TMEM243: variants seen among roughly 807,000 people sequenced by gnomAD.
TMEM243 encodes the protein MDR1 and mitochondrial taxol resistance associated.
TMEM243 carries 20 observed loss-of-function variants against 15.0 expected under a neutral mutation model. The ratio of observed to expected loss-of-function variants is 1.33; its 90% CI spans 0.94 to 1.93. The LOEUF (loss-of-function observed/expected upper bound fraction) is 1.93, where lower values mean the gene tolerates loss of function less well. Ranked by LOEUF, TMEM243 falls within the 30% of genes most tolerant of loss-of-function variation. The probability of loss-of-function intolerance (pLI) is 0.00; values close to 1 mark genes in which losing one functional copy is unlikely to be tolerated. For synonymous variants in TMEM243, 72 were observed against 52.7 expected (o/e 1.37, Z -1.59); for missense variants, 156 against 142.1 (o/e 1.10, Z -0.50).
chr7:87,207,860 T>C (rs536106620), intron 1 of TMEM243, among the ~76,000 whole-genome samples: 69 of 152,130 alleles, frequency 4.5e-4, no homozygotes, highest in Non-Finnish European at 9.1e-4. Flanking sequence ...TCCTCCTCTG[T>C]CAGACATCCT....
Position 87,199,060 on chromosome 7 carries a change from GAAAGAGA to G in TMEM243, c.79-10_79-4del. 6.2e-7 allele frequency: 1 copy of G among 1,604,366 alleles called. No individual in the cohort carries two copies. The highest frequency in any genetic ancestry group is 1.7e-4 in the Middle Eastern group (1 of 5,998). ...ACAACTAAATTGATGATTCGATCCT[GAAAGAGA>G]AAAGAATTTTTAAGCCATATGACTT... On this transcript the variant is annotated splice_region_variant and splice_polypyrimidine_tract_variant and intron_variant, in intron 1 of 3. Transcript: ENST00000257637.
At chr7:87,215,850 A>C (rs1188968251) in intron 1 of TMEM243, among the ~76,000 whole-genome samples, 1 of 152,190 alleles carries the variant, frequency 6.6e-6, no homozygotes, top group Non-Finnish European at 1.5e-5. Flanking sequence ...CTTGTCAATA[A>C]TCCCTAGGAC....
chr7:87,206,265 C>A (rs539202089), intron 1 of TMEM243, among the ~76,000 whole-genome samples: 12 of 152,296 alleles, frequency 7.9e-5, no homozygotes, highest in Non-Finnish European at 1.5e-4. Context: ...CAAACCATAT[C>A]ATCATCCTTC....
At chr7:87,201,208 C>T (rs1801781949) in intron 1 of TMEM243, among the ~76,000 whole-genome samples, 1 of 152,248 alleles carries the variant, frequency 6.6e-6, no homozygotes, top group African/African-American at 2.4e-5. Flanking sequence ...CCAAGGCCTT[C>T]TATCAACCAT....
At chr7:87,205,294 C>T (rs1802124170) in intron 1 of TMEM243, among the ~76,000 whole-genome samples, 1 of 152,132 alleles carries the variant, frequency 6.6e-6, no homozygotes, top group Non-Finnish European at 1.5e-5. Flanking sequence ...CATTTGGCTC[C>T]TCTTACTTGT....
rs1554365988 is a variant in TMEM243 at position 87,209,684 on chromosome 7, C to CAGTGAGAGAGTGAGACACAGTGAG, written c.78+9741_78+9742insCTCACTGTGTCTCACTCTCTCACT. ...AGCGAGAGAGAGCGAGAGCGAGACA[C>CAGTGAGAGAGTGAGACACAGTGAG]AGCGAGAGAGCGAGACACAGTGAGA... On this transcript the variant is annotated intron_variant, in intron 1 of 3. Coordinates refer to ENST00000257637, the MANE Select transcript of TMEM243 (RefSeq NM_024315.4). Among the ~76,000 whole-genome samples, 4 of 73,194 alleles carry CAGTGAGAGAGTGAGACACAGTGAG rather than the reference C, an allele frequency of 5.5e-5. 1 individual carries two copies. Among genetic ancestry groups the CAGTGAGAGAGTGAGACACAGTGAG allele is most frequent in the Non-Finnish European group, 1.2e-4 (4 of 33,572 alleles). The allele number at this position is 73,194 out of a possible 152,430, so 48.0% of individuals were successfully genotyped here.
intron 1 of TMEM243, chr7:87,199,645 T>C (rs910077260): frequency 2.0e-5 from 3 of 152,150 alleles, no homozygotes; most frequent in African/African-American, 7.2e-5. Context: ...AAACAAAATA[T>C]TGGTTGAATG....
intron 1 of TMEM243, among the ~76,000 whole-genome samples, chr7:87,207,717 G>A (rs1358401257): frequency 1.3e-5 from 2 of 152,178 alleles, no homozygotes; most frequent in Non-Finnish European, 2.9e-5. Flanking sequence ...CATTTTTGGT[G>A]TTACTTCTAA....
chr7:87,198,134 T>C (rs1801499102), intron 2 of TMEM243, 89 bp from the exon 3 acceptor site: 29 of 1,052,460 alleles, frequency 2.8e-5, no homozygotes, highest in Non-Finnish European at 3.3e-5. Flanking sequence ...TACTACAAAA[T>C]GCTTCATGTT....
At chr7:87,200,305 A>G (rs555827030) in intron 1 of TMEM243, among the ~76,000 whole-genome samples, 105 of 152,312 alleles carry the variant, frequency 6.9e-4, no homozygotes, top group African/African-American at 2.4e-3. Flanking sequence ...CCACGACCTC[A>G]GCTAGAGAAG....
At chr7:87,204,302 C>T (rs1004436270) in intron 1 of TMEM243, among the ~76,000 whole-genome samples, 2 of 152,116 alleles carry the variant, frequency 1.3e-5, no homozygotes, top group Non-Finnish European at 2.9e-5. Flanking sequence ...ACGGCCAAAC[C>T]ACACAATTTC....
intron 1 of TMEM243, among the ~76,000 whole-genome samples, chr7:87,212,112 A>G (rs1802795284): frequency 6.6e-6 from 1 of 152,190 alleles, no homozygotes; most frequent in Non-Finnish European, 1.5e-5. Context: ...AAGTCGTAAT[A>G]AGGATTAGAA....
intron 1 of TMEM243, among the ~76,000 whole-genome samples, chr7:87,207,031 G>A (rs1416902925): frequency 3.3e-5 from 5 of 152,216 alleles, no homozygotes; most frequent in South Asian, 2.1e-4. Flanking sequence ...AACAGGTCAC[G>A]GTCTGCCAGC....
chr7:87,212,431 A>G (rs1193166106), intron 1 of TMEM243, among the ~76,000 whole-genome samples: 2 of 152,198 alleles, frequency 1.3e-5, no homozygotes, highest in African/African-American at 4.8e-5. Flanking sequence ...TGAGCCAACT[A>G]TAAGAAAAAA....
chr7:87,202,224 AAGTG>A (rs1801870183), intron 1 of TMEM243, among the ~76,000 whole-genome samples: 1 of 152,224 alleles, frequency 6.6e-6, no homozygotes, highest in South Asian at 2.1e-4. Flanking sequence ...AGAAGACAGA[AAGTG>A]AGCTATCTTG....
intron 1 of TMEM243, among the ~76,000 whole-genome samples, chr7:87,215,238 C>G (rs1339160504): frequency 6.6e-6 from 1 of 152,148 alleles, no homozygotes; most frequent in Non-Finnish European, 1.5e-5. Flanking sequence ...GAGCCTGCAG[C>G]TGGGACCACA....
chr7:87,200,656 C>T (rs1300197130), intron 1 of TMEM243, among the ~76,000 whole-genome samples: 1 of 152,170 alleles, frequency 6.6e-6, no homozygotes, highest in Non-Finnish European at 1.5e-5. Context: ...ATGCCAAGCA[C>T]ATTCACCAAT....
intron 1 of TMEM243, among the ~76,000 whole-genome samples, chr7:87,215,468 G>T (rs1803037373): frequency 6.6e-6 from 1 of 151,900 alleles, no homozygotes; most frequent in South Asian, 2.1e-4. Context: ...GGAAATAAGG[G>T]GTTAAATAAA....
chr7:87,209,020 G>T (rs993099646), intron 1 of TMEM243, among the ~76,000 whole-genome samples: 3 of 152,210 alleles, frequency 2.0e-5, no homozygotes, highest in African/African-American at 7.2e-5. Context: ...CCTCACCTGG[G>T]CCTTCACTGT....
Sources: gnomAD v4.1 joint callset for allele counts (sites outside exome capture counted in the v4.1 genomes callset) on GRCh38, gnomAD v4.1.1 for gene constraint, MANE v1.5 for transcripts, NCBI Gene and HGNC (gene_info 2026-07-23, HGNC 2026-07-21) for gene names.